The following DYNC1LI2 variants were observed in gnomAD, a reference collection of about 807,000 sequenced individuals.
DYNC1LI2 encodes cytoplasmic dynein 1 light intermediate chain 2.
DYNC1LI2 carries 19 observed loss-of-function variants against 57.8 expected under a neutral mutation model. The ratio of observed to expected loss-of-function variants is 0.33; its 90% CI spans 0.23 to 0.48. The LOEUF is 0.48. Among genes scored for constraint, DYNC1LI2 ranks in the 20% least tolerant of loss-of-function variants. DYNC1LI2 has a pLI of 0.99. For missense variants in DYNC1LI2, 470 were observed against 604.2 expected (o/e 0.78, Z 2.33); for synonymous variants, 256 against 233.4 (o/e 1.10, Z -0.88).
intron 4 of DYNC1LI2, among the ~76,000 whole-genome samples, chr16:66,742,188 C>CT: frequency 6.6e-6 from 1 of 152,170 alleles, no homozygotes; most frequent in Non-Finnish European, 1.5e-5. Context: ...GGGAAGAACT[C>CT]TTATTTGAAA....
intron 3 of DYNC1LI2, among the ~76,000 whole-genome samples, chr16:66,746,464 G>A (rs1295132859): frequency 6.6e-6 from 1 of 151,894 alleles, no homozygotes; most frequent in Non-Finnish European, 1.5e-5. Context: ...AACAGATAAG[G>A]GCAATTCTTC....
chr16:66,732,266 G>A (rs1168243255), intron 7 of DYNC1LI2, 73 bp downstream of exon 7: 7 of 1,556,816 alleles, frequency 4.5e-6, no homozygotes, highest in Non-Finnish European at 6.1e-6. Context: ...CACCTTCCTT[G>A]AAGGGGTAAA....
chr16:66,742,376 T>C (rs917573005), intron 4 of DYNC1LI2, 62 bp downstream of exon 4: 5 of 1,521,868 alleles, frequency 3.3e-6, no homozygotes, highest in African/African-American at 1.4e-5. Flanking sequence ...AAAAGGAAAG[T>C]GATTCAAACC....
chr16:66,731,726 G>A (rs2017640596), intron 7 of DYNC1LI2: 1 of 152,324 alleles, frequency 6.6e-6, no homozygotes, highest in Admixed American at 6.5e-5. Context: ...AAGTCAGGAG[G>A]ATACTGAAGC....
At chr16:66,739,812 C>A (rs1467978238) in intron 4 of DYNC1LI2, among the ~76,000 whole-genome samples, 3 of 152,120 alleles carry the variant, frequency 2.0e-5, no homozygotes, top group Non-Finnish European at 4.4e-5. Context: ...AGAGGAAGGA[C>A]CATGTAAGTT....
chr16:66,738,147 T>C (rs2017768819), intron 4 of DYNC1LI2: 1 of 152,150 alleles, frequency 6.6e-6, no homozygotes, highest in South Asian at 2.1e-4. Context: ...TGAAATTATC[T>C]GAGAGCTCTC....
chr16:66,751,311 C>T lies in DYNC1LI2; in HGVS notation c.143G>A (p.Arg48Lys), dbSNP rs1438827544. Residue 48 changes from arginine (R) to lysine (K), a missense_variant, in exon 2 of 13, where the codon AGG becomes AAG. Arg to Lys is a conservative substitution (Grantham distance 26). Transcript: ENST00000258198. This position sits in a 1 kb window ranked among gnomAD's most constrained non-coding sequence, Gnocchi z 5.2. ...GTTCTTGCCGGACGGCAGCTTGGAC[C>T]TGGCGCGGGTGGACACTTCGCTCAG... ...SILSEVSTRA[R>K]SKLPSGKNIL... The T allele has an allele frequency of 1.2e-6, 2 of 1,612,424 alleles. No homozygotes were observed. The highest frequency in any genetic ancestry group is 2.2e-5 in the East Asian group (1 of 44,718).
chr16:66,730,833 G>A (rs540810442), intron 7 of DYNC1LI2: 2 of 152,426 alleles, frequency 1.3e-5, no homozygotes, highest in South Asian at 4.1e-4. Flanking sequence ...TCACAGGGTA[G>A]GATGGCACCC....
intron 5 of DYNC1LI2, 136 bp downstream of exon 5, chr16:66,735,939 T>C: frequency 1.7e-6 from 2 of 1,146,502 alleles, no homozygotes; most frequent in African/African-American, 1.6e-5. Context: ...TGTCTTGACA[T>C]ATTCAATGTA....
intron 3 of DYNC1LI2, among the ~76,000 whole-genome samples, chr16:66,745,829 G>A (rs746088399): frequency 3.9e-4 from 59 of 151,886 alleles, no homozygotes; most frequent in Non-Finnish European, 6.5e-4. Context: ...GCTCGAGCTC[G>A]GGAGGTGGAG....
chr16:66,726,034 T>G, intron 11 of DYNC1LI2, 90 bp from the exon 12 acceptor site: 2 of 1,317,534 alleles, frequency 1.5e-6, no homozygotes, highest in Non-Finnish European at 2.1e-6. Flanking sequence ...ATTAGCCACT[T>G]GTGGCTATCA....
In DYNC1LI2 at chr16:66,749,135, CCCAAGGAAG is replaced by C; in HGVS notation, c.298+53_298+61del. On this transcript the variant is annotated intron_variant, in intron 3 of 12. Transcript: ENST00000258198. ...GCCTGGCCATGCTGCAGGAACTGCA[CCCAAGGAAG>C]CAGTCAGAGTCCTGCATACACCCCC... The C allele has an allele frequency of 2.6e-6, 4 of 1,521,990 alleles. 1 individual carries two copies. The South Asian group carries it at 4.5e-5, about 17-fold the overall frequency. The allele number at this position is 1,521,990 out of a possible 1,614,324, so 94.3% of individuals were successfully genotyped here.
At position 66,744,624 on chromosome 16, in the gene DYNC1LI2, G is replaced by A. The variant is rs542033051; in HGVS notation, c.299-1956C>T. Among the ~76,000 whole-genome samples the A allele has an allele frequency of 3.3e-5, 5 of 151,690 alleles. No individual in the cohort carries two copies. In the East Asian group the frequency reaches 9.9e-4, roughly 30 times the overall value. On this transcript the variant is annotated intron_variant, in intron 3 of 12. Coordinates refer to ENST00000258198, the MANE Select transcript of DYNC1LI2 (RefSeq NM_006141.3). Reference sequence around the variant, plus strand: ...ATATTGGCTCACTGCAACTGCCGCCGCAACCGCCGCCACCCCTCCCTGCTG... The same window carrying A: ...ATATTGGCTCACTGCAACTGCCGCCACAACCGCCGCCACCCCTCCCTGCTG...
At position 66,722,022 on chromosome 16, in the gene DYNC1LI2, T is replaced by A. The variant is rs758726739; in HGVS notation, c.*1700A>T. On this transcript the variant is annotated 3_prime_UTR_variant, in exon 13 of 13. Transcript: ENST00000258198. ...GGAAGCCACAATACATTTGTTTTTT[T>A]AAAAAACTGAATTAAAAAAGGAAAA... is the stretch of plus-strand genomic sequence containing the variant. The A allele has an allele frequency of 3.3e-5, 5 of 152,546 alleles. No individual in the cohort carries two copies. The highest frequency in any genetic ancestry group is 4.8e-5 in the African/African-American group (2 of 41,428). The allele number at this position is 152,546 out of a possible 1,614,324, so 9.4% of individuals were successfully genotyped here.
chr16:66,737,795 C>T (rs986387674), intron 4 of DYNC1LI2, among the ~76,000 whole-genome samples: 3 of 152,140 alleles, frequency 2.0e-5, no homozygotes. Context: ...GACAATGGTC[C>T]GAGCCTCAGT....
chr16:66,723,695 T>C lies in DYNC1LI2; in HGVS notation c.*27A>G, dbSNP rs1315397458. On this transcript the variant is annotated 3_prime_UTR_variant, in exon 13 of 13. Transcript: ENST00000258198. ...ATCAATATACATAGTTATTTGGTCA[T>C]TCGACATATGCACTTTTTAAGGAGG... The C allele has an allele frequency of 6.3e-7, 1 of 1,587,244 alleles. No individual in the cohort carries two copies. Among genetic ancestry groups the C allele is most frequent in the Admixed American group, 1.9e-5 (1 of 53,326 alleles).
chr16:66,730,718 T>G (rs955323519), intron 7 of DYNC1LI2: 4 of 153,358 alleles, frequency 2.6e-5, no homozygotes, highest in African/African-American at 9.7e-5. Flanking sequence ...TGGGAAGATG[T>G]GTCCTAGAAC....
At chr16:66,734,997 CAAA>C (rs377398071) in intron 5 of DYNC1LI2, among the ~76,000 whole-genome samples, 4 of 38,568 alleles carry the variant, frequency 1.0e-4, no homozygotes, top group African/African-American at 1.2e-4. Flanking sequence ...AACTCCGTCT[CAAA>C]AAAAAAAAAA....
chr16:66,736,500 C>T (rs2017737196), intron 4 of DYNC1LI2, among the ~76,000 whole-genome samples: 2 of 152,090 alleles, frequency 1.3e-5, no homozygotes, highest in Non-Finnish European at 2.9e-5. Flanking sequence ...TGCACCAAAC[C>T]CCTGAACAGG....
Sources: allele counts gnomAD v4.1 joint callset (sites outside exome capture counted in the v4.1 genomes callset), GRCh38; gene constraint gnomAD v4.1.1; non-coding constraint Gnocchi (gnomAD v3.1); transcripts MANE v1.5; gene names NCBI Gene and HGNC (gene_info 2026-07-23, HGNC 2026-07-21).